Variants in ROCK1 observed in about 807,000 individuals in gnomAD.
ROCK1 encodes Rho associated coiled-coil containing protein kinase 1.
ROCK1 carries 36 observed loss-of-function variants against 196.8 expected under a neutral mutation model. That is an observed-to-expected ratio of 0.18 (90% CI 0.14 to 0.24). The LOEUF (loss-of-function observed/expected upper bound fraction) is 0.24. Ranked by LOEUF, ROCK1 falls within the 10% of genes least tolerant of loss-of-function variation. The pLI is 1.00. For synonymous variants in ROCK1, 443 were observed against 515.9 expected, an observed-to-expected ratio of 0.86 and a Z score of 1.91; for missense variants, 920 against 1,562.0, an observed-to-expected ratio of 0.59 and a Z score of 6.93.
chr18:20,997,366 G>T (rs762919350), intron 16 of ROCK1, among the ~76,000 whole-genome samples: 1 of 152,096 alleles, frequency 6.6e-6, no homozygotes, highest in African/African-American at 2.4e-5. Context: ...AGACAAAATA[G>T]ATTTCAAGAC....
At chr18:21,048,254 T>C (rs2036177396) in intron 4 of ROCK1, among the ~76,000 whole-genome samples, 1 of 152,144 alleles carries the variant, frequency 6.6e-6, no homozygotes, top group Non-Finnish European at 1.5e-5. Context: ...TAGTTTTTCT[T>C]TCCACTGAAA....
At chr18:20,977,006 T>C (rs892586146) in intron 22 of ROCK1, among the ~76,000 whole-genome samples, 1 of 152,180 alleles carries the variant, frequency 6.6e-6, no homozygotes, top group African/African-American at 2.4e-5. Context: ...CTTCGTTTTA[T>C]GCACTTGCCT....
At chr18:21,083,395 A>C (rs903941619) in intron 1 of ROCK1, among the ~76,000 whole-genome samples, 1 of 152,208 alleles carries the variant, frequency 6.6e-6, no homozygotes. Context: ...ACAAAGTTAG[A>C]GGACTCAAAT....
intron 14 of ROCK1, 69 bp from the exon 15 acceptor site, chr18:21,006,859 T>C: frequency 3.5e-6 from 4 of 1,138,068 alleles, no homozygotes; most frequent in South Asian, 1.6e-5. Context: ...AATCCTTTTT[T>C]AAAAAAAGAC....
At chr18:21,099,286 A>C (rs2036637494) in intron 1 of ROCK1, among the ~76,000 whole-genome samples, 1 of 152,248 alleles carries the variant, frequency 6.6e-6, no homozygotes, top group Non-Finnish European at 1.5e-5. Flanking sequence ...ATCTATGTAT[A>C]TATCTATGTA....
intron 16 of ROCK1, among the ~76,000 whole-genome samples, chr18:20,994,367 T>G (rs1359483181): frequency 6.6e-6 from 1 of 152,154 alleles, no homozygotes; most frequent in Non-Finnish European, 1.5e-5. Context: ...GGTGTAGTGG[T>G]TCATGCCTGT....
intron 6 of ROCK1, among the ~76,000 whole-genome samples, chr18:21,043,040 A>C (rs1422600439): frequency 6.6e-6 from 1 of 152,136 alleles, no homozygotes; most frequent in Non-Finnish European, 1.5e-5. Flanking sequence ...TGCCACATTT[A>C]TTATTCCCCA....
chr18:20,985,101 A>G (rs562010961), intron 19 of ROCK1, among the ~76,000 whole-genome samples: 1 of 148,318 alleles, frequency 6.7e-6, no homozygotes, highest in East Asian at 2.0e-4. Context: ...TCTGTCTCCA[A>G]AAAAAAAAAA....
At chr18:20,987,209 G>A in intron 18 of ROCK1, 99 bp from the exon 19 acceptor site, 2 of 1,053,552 alleles carry the variant, frequency 1.9e-6, no homozygotes, top group Non-Finnish European at 2.8e-6. Context: ...TGTCTCTATT[G>A]TTTTTATTCT....
chr18:21,032,613 C>T (rs1415093417), intron 9 of ROCK1, among the ~76,000 whole-genome samples: 1 of 150,682 alleles, frequency 6.6e-6, no homozygotes, highest in Non-Finnish European at 1.5e-5. Flanking sequence ...CTGTGCCTCC[C>T]GGGTTCAAGT....
intron 16 of ROCK1, among the ~76,000 whole-genome samples, chr18:20,995,361 C>G (rs1336211897): frequency 2.6e-5 from 4 of 152,192 alleles, no homozygotes; most frequent in Non-Finnish European, 4.4e-5. Context: ...CACCGATTGT[C>G]CTCTCTGCAG....
intron 1 of ROCK1, among the ~76,000 whole-genome samples, chr18:21,105,262 G>T (rs78432545): frequency 6.6e-6 from 1 of 151,998 alleles, no homozygotes; most frequent in East Asian, 1.9e-4. Flanking sequence ...CCAAGTTTAG[G>T]CCCTATACAA....
At chr18:21,073,702 T>C (rs189903802) in intron 1 of ROCK1, among the ~76,000 whole-genome samples, 169 of 152,248 alleles carry the variant, frequency 1.1e-3, no homozygotes, top group Admixed American at 2.1e-3. Context: ...TCAAAATCCA[T>C]TGAAAACTAT....
At chr18:20,975,326 T>C (rs2035469738) in intron 22 of ROCK1, among the ~76,000 whole-genome samples, 1 of 152,162 alleles carries the variant, frequency 6.6e-6, no homozygotes, top group Non-Finnish European at 1.5e-5. Context: ...TGGAGGAAAC[T>C]GTTCCAGGCA....
intron 1 of ROCK1, among the ~76,000 whole-genome samples, chr18:21,089,052 C>CA (rs2036549259): frequency 6.8e-6 from 1 of 147,770 alleles, no homozygotes; most frequent in Admixed American, 6.8e-5. Flanking sequence ...TTTATTAAAA[C>CA]TTTTTTTTTT....
chr18:21,019,811 A>AG (rs2035898531), intron 12 of ROCK1, among the ~76,000 whole-genome samples: 1 of 151,926 alleles, frequency 6.6e-6, no homozygotes, highest in African/African-American at 2.4e-5. Context: ...AAAAAAAAAA[A>AG]AGAATACTGC....
In ROCK1 at chr18:20,958,899, A is replaced by T. The variant is rs1292064800; in HGVS notation, c.3512+941T>A. Among the ~76,000 whole-genome samples the T allele has an allele frequency of 1.8e-4, 12 of 67,604 alleles. No homozygotes were observed. In the East Asian group the frequency reaches 4.6e-3, roughly 26 times the overall value. The allele number at this position is 67,604 out of a possible 152,430, so 44.4% of individuals were successfully genotyped here. A position where few individuals can be genotyped will look rare whatever the true frequency, so the allele number is the denominator to read the frequency against. The stretch of plus-strand genomic sequence containing the variant: ...TATATATAAATATATATATTTATTT[A>T]TATATATATATTTTATATATTTTAT... On this transcript the variant is annotated intron_variant, in intron 29 of 32. Transcript: ENST00000399799.
At chr18:20,988,552 G>A (rs970444244) in intron 18 of ROCK1, among the ~76,000 whole-genome samples, 1 of 152,112 alleles carries the variant, frequency 6.6e-6, no homozygotes, top group African/African-American at 2.4e-5. Context: ...ACACATCCCA[G>A]AAGCTTAAAA....
intron 32 of ROCK1, among the ~76,000 whole-genome samples, chr18:20,952,061 G>A (rs2035193090): frequency 6.6e-6 from 1 of 152,220 alleles, no homozygotes; most frequent in Non-Finnish European, 1.5e-5. Flanking sequence ...AGAACTTAAT[G>A]AGATGAGATT....
Sources: gnomAD v4.1 joint callset for allele counts (sites outside exome capture counted in the v4.1 genomes callset) on GRCh38, gnomAD v4.1.1 for gene constraint, MANE v1.5 for transcripts, NCBI Gene and HGNC (gene_info 2026-07-23, HGNC 2026-07-21) for gene names.